The following SYT10 variants were observed in gnomAD, a reference collection of about 807,000 sequenced individuals.
SYT10 encodes synaptotagmin 10.
SYT10 carries 31 observed loss-of-function variants against 51.1 expected under a neutral mutation model. That is an observed-to-expected ratio of 0.61 (90% CI 0.46 to 0.82). SYT10 has a LOEUF of 0.82. SYT10 is among the 40% of genes least tolerant of loss of function. The pLI is 0.00. For missense variants in SYT10, 603 were observed against 634.0 expected, an observed-to-expected ratio of 0.95 and a Z score of 0.53; for synonymous variants, 233 against 225.9, an observed-to-expected ratio of 1.03 and a Z score of -0.28.
chr12:33,436,347 AAGAG>A (rs1866637470), intron 1 of SYT10, among the ~76,000 whole-genome samples: 1 of 152,160 alleles, frequency 6.6e-6, no homozygotes. Flanking sequence ...TTTCGGGAGA[AAGAG>A]AGAATCCATG....
chr12:33,416,139 G>A (rs879289997), intron 2 of SYT10, among the ~76,000 whole-genome samples: 17,090 of 151,750 alleles, frequency 0.11, 1,047 homozygotes, highest in Admixed American at 0.17. Context: ...GGAGTGCAGT[G>A]GTGTGATCTC....
At chr12:33,424,833 G>A (rs1363146332) in intron 2 of SYT10, among the ~76,000 whole-genome samples, 6 of 151,838 alleles carry the variant, frequency 4.0e-5, no homozygotes, top group Non-Finnish European at 5.9e-5. Flanking sequence ...AATTTAAAAT[G>A]AGCCTAAATG....
chr12:33,393,287 T>A (rs1284670637), intron 3 of SYT10, among the ~76,000 whole-genome samples: 1 of 152,182 alleles, frequency 6.6e-6, no homozygotes, highest in South Asian at 2.1e-4. Flanking sequence ...ATAACAACTC[T>A]TCTCTTCCTC....
chr12:33,374,926 T>C lies in SYT10; in HGVS notation c.*1904A>G, dbSNP rs1377131347. ...TTGCTAATTTACTTTAAGCTGCAGT[T>C]ATATCTACTAATAAAACAACTGTCT... On this transcript the variant is annotated 3_prime_UTR_variant, in exon 7 of 7. Transcript: ENST00000228567. 2 of 152,028 alleles carry C rather than the reference T, an allele frequency of 1.3e-5. No individual in the cohort carries two copies. The highest frequency in any genetic ancestry group is 2.9e-5 in the Non-Finnish European group (2 of 67,904). The allele number at this position is 152,028 out of a possible 1,614,324, so 9.4% of individuals were successfully genotyped here.
chr12:33,414,020 C>A (rs893080357), intron 2 of SYT10, among the ~76,000 whole-genome samples: 1 of 151,914 alleles, frequency 6.6e-6, no homozygotes, highest in African/African-American at 2.4e-5. Flanking sequence ...CAAAAAAAGG[C>A]AGGGGTTGCA....
At chr12:33,379,709 A>C in intron 6 of SYT10, 123 bp downstream of exon 6, 1 of 1,321,754 alleles carries the variant, frequency 7.6e-7, no homozygotes, top group South Asian at 1.6e-5. Flanking sequence ...AAGCAAGAAC[A>C]ATCTTTTCTA....
chr12:33,429,681 T>G (rs1401310536), intron 1 of SYT10, among the ~76,000 whole-genome samples: 3 of 152,284 alleles, frequency 2.0e-5, no homozygotes, highest in Middle Eastern at 6.8e-3. Flanking sequence ...TCATACTTAC[T>G]GAAAGAAAAT....
intron 2 of SYT10, among the ~76,000 whole-genome samples, chr12:33,424,319 T>C (rs767265315): frequency 6.6e-6 from 1 of 152,152 alleles, no homozygotes. Context: ...TTTGTTTTTC[T>C]GAGGTTCCAA....
intron 3 of SYT10, among the ~76,000 whole-genome samples, chr12:33,396,078 A>G (rs984415269): frequency 5.3e-5 from 8 of 152,154 alleles, no homozygotes; most frequent in Non-Finnish European, 1.0e-4. Flanking sequence ...ACTCTTTACC[A>G]ATTCTAAAAT....
chr12:33,413,984 G>A lies in SYT10; in HGVS notation c.510-6628C>T, dbSNP rs1866431286. ...CATAGGCTCAAAGTAAAGGGATGGA[G>A]GAAGATCTACCAAGCAAATGGAAAA... On this transcript the variant is annotated intron_variant, in intron 2 of 6. Transcript: ENST00000228567. 2.0e-5 allele frequency among the ~76,000 whole-genome samples: 3 copies of A among 152,236 alleles called. No individual in the cohort carries two copies. The East Asian group carries it at 5.8e-4, about 29-fold the overall frequency.
At chr12:33,416,810 TAGAG>T (rs764740541) in intron 2 of SYT10, among the ~76,000 whole-genome samples, 4 of 151,976 alleles carry the variant, frequency 2.6e-5, no homozygotes, top group Non-Finnish European at 4.4e-5. Context: ...ACTAATAAAA[TAGAG>T]AGGGAGAAAT....
intron 4 of SYT10, among the ~76,000 whole-genome samples, chr12:33,383,348 T>G (rs1028615120): frequency 6.6e-6 from 1 of 152,154 alleles, no homozygotes; most frequent in African/African-American, 2.4e-5. Context: ...TCTTTTTTCC[T>G]ATTTCCATAG....
At chr12:33,426,732 T>C (rs1252586364) in intron 1 of SYT10, among the ~76,000 whole-genome samples, 1 of 152,170 alleles carries the variant, frequency 6.6e-6, no homozygotes, top group Non-Finnish European at 1.5e-5. Flanking sequence ...AAAATTACGA[T>C]GTATGCATAT....
chr12:33,438,485 C>T (rs1209469513), intron 1 of SYT10, among the ~76,000 whole-genome samples: 1 of 152,160 alleles, frequency 6.6e-6, no homozygotes, highest in Non-Finnish European at 1.5e-5. Context: ...CCAACCGTGA[C>T]CCAAACAGTG....
chr12:33,396,664 T>C (rs1274228713), intron 3 of SYT10, among the ~76,000 whole-genome samples: 1 of 152,130 alleles, frequency 6.6e-6, no homozygotes, highest in Non-Finnish European at 1.5e-5. Context: ...ACTTTTTCAA[T>C]TGCAATGAAA....
At position 33,374,357 on chromosome 12, in the gene SYT10, G is replaced by A. The variant is rs778228669; in HGVS notation, c.*2473C>T. 1.3e-5 allele frequency: 2 copies of A among 151,596 alleles called. No individual in the cohort carries two copies. Among genetic ancestry groups the A allele is most frequent in the African/African-American group, 2.4e-5 (1 of 41,302 alleles). The allele number at this position is 151,596 out of a possible 1,614,324, so 9.4% of individuals were successfully genotyped here. A position where few individuals can be genotyped will look rare whatever the true frequency, so the allele number is the denominator to read the frequency against. On this transcript the variant is annotated 3_prime_UTR_variant, in exon 7 of 7. Transcript: ENST00000228567. The stretch of plus-strand genomic sequence containing the variant: ...TGTGTCAGTACTGTCATTAAAATGT[G>A]ATGTCCCACACAAATAAGGGGATTT...
At chr12:33,381,158 T>C (rs1346231052) in intron 5 of SYT10, among the ~76,000 whole-genome samples, 3 of 152,142 alleles carry the variant, frequency 2.0e-5, no homozygotes, top group African/African-American at 7.2e-5. Context: ...ATCTGCAACT[T>C]TTTTAGTTTG....
intron 1 of SYT10, among the ~76,000 whole-genome samples, chr12:33,430,768 C>T (rs888414326): frequency 3.9e-5 from 6 of 152,064 alleles, no homozygotes; most frequent in African/African-American, 1.4e-4. Flanking sequence ...TCCATATTTG[C>T]TTATGGCACC....
chr12:33,379,095 A>G (rs1204120338), intron 6 of SYT10, among the ~76,000 whole-genome samples: 1 of 152,170 alleles, frequency 6.6e-6, no homozygotes, highest in Non-Finnish European at 1.5e-5. Context: ...TATTTAGTCA[A>G]TGGGATACTG....
Sources: allele counts gnomAD v4.1 joint callset (sites outside exome capture counted in the v4.1 genomes callset), GRCh38; gene constraint gnomAD v4.1.1; transcripts MANE v1.5; gene names NCBI Gene and HGNC (gene_info 2026-07-23, HGNC 2026-07-21).